KIF20B: variants seen among roughly 807,000 people sequenced by gnomAD.
KIF20B encodes the protein kinesin-like protein KIF20B.
KIF20B carries 188 observed loss-of-function variants against 232.5 expected under a neutral mutation model. That is an observed-to-expected ratio of 0.81 (90% confidence interval 0.72 to 0.91). The LOEUF (loss-of-function observed/expected upper bound fraction) is 0.91, where lower values mean the gene tolerates loss of function less well. KIF20B is among the 40% of genes least tolerant of loss of function. KIF20B has a pLI of 0.00. For synonymous variants in KIF20B, 712 were observed against 683.0 expected, an observed-to-expected ratio of 1.04 and a Z score of -0.66; for missense variants, 2,154 against 2,055.9, an observed-to-expected ratio of 1.05 and a Z score of -0.92.
intron 19 of KIF20B, among the ~76,000 whole-genome samples, chr10:89,734,267 C>G (rs865943522): frequency 1.3e-5 from 2 of 151,988 alleles, no homozygotes; most frequent in Non-Finnish European, 2.9e-5. Flanking sequence ...AAAAATTAGC[C>G]TGGTGTGGTG....
intron 21 of KIF20B, 71 bp from the exon 22 acceptor site, chr10:89,743,737 G>A: frequency 1.9e-6 from 2 of 1,036,642 alleles, no homozygotes; most frequent in Admixed American, 5.7e-5. Context: ...TAGTTGCCAT[G>A]AATCTTAAAT....
chr10:89,720,976 G>T (rs1484810220), intron 13 of KIF20B, among the ~76,000 whole-genome samples: 2 of 152,068 alleles, frequency 1.3e-5, no homozygotes, highest in Non-Finnish European at 2.9e-5. Context: ...CAAAGTGCTG[G>T]GATTATAGGC....
In KIF20B at chr10:89,727,861, G is replaced by C. The variant is rs1305650443; in HGVS notation, c.2236G>C (p.Asp746His). 1.3e-6 allele frequency: 2 copies of C among 1,550,822 alleles called. No individual in the cohort carries two copies. The highest frequency in any genetic ancestry group is 2.3e-5 in the South Asian group (2 of 86,676). The change falls in exon 17 of 33, where the codon GAT (aspartate) becomes CAT (histidine). Residue 746 changes from aspartate (D) to histidine (H), a missense_variant. Transcript: ENST00000371728. ...AATGTTCTTTATTTTTTCAGAATCA[G>C]ATTCATTGATTCAAGAGCTTGAGAC... Reference protein sequence around the residue: ...EELKKRENESDSLIQELETSN... With the variant: ...EELKKRENESHSLIQELETSN...
chr10:89,724,009 GA>G lies in KIF20B; in HGVS notation c.1775del (p.Lys592ArgfsTer4). The G allele has an allele frequency of 2.5e-6, 4 of 1,581,848 alleles. No individual in the cohort carries two copies. Among genetic ancestry groups the G allele is most frequent in the South Asian group, 2.4e-5 (2 of 84,180 alleles). The stretch of plus-strand genomic sequence containing the variant: ...AGACTTGAAAAAAAAACTGATAAAT[GA>G]AAAAAAGGAAAAATTAACCTTGGAA... ...IEDLKKKLIN[E>X]KKEKLTLEFK... On this transcript the variant is annotated frameshift_variant, in exon 14 of 33. Coordinates refer to ENST00000371728, the MANE Select transcript of KIF20B (RefSeq NM_001284259.2). LOFTEE classifies it high-confidence loss of function.
intron 13 of KIF20B, among the ~76,000 whole-genome samples, chr10:89,721,628 C>T (rs1292305800): frequency 6.6e-6 from 1 of 151,992 alleles, no homozygotes; most frequent in Admixed American, 6.5e-5. Context: ...CATCACTGCA[C>T]TACTGCACTC....
At position 89,746,991 on chromosome 10, in the gene KIF20B, A is replaced by C. The variant is rs114758647; in HGVS notation, c.4096+1032A>C. On this transcript the variant is annotated intron_variant, in intron 23 of 32. Coordinates refer to ENST00000371728, the MANE Select transcript of KIF20B (RefSeq NM_001284259.2). Reference sequence around the variant, plus strand: ...AATAAAGCCAGTCAAACTTTTATGTAGGTCACAATGAATGGCATAGATTTC... The same window carrying C: ...AATAAAGCCAGTCAAACTTTTATGTCGGTCACAATGAATGGCATAGATTTC... Among the ~76,000 whole-genome samples the C allele has an allele frequency of 3.0e-3, 459 of 152,386 alleles. 3 individuals are homozygous for C. Among genetic ancestry groups the C allele is most frequent in the African/African-American group, 0.01 (429 of 41,596 alleles).
intron 13 of KIF20B, 67 bp downstream of exon 13, chr10:89,719,773 GCTCT>G: frequency 7.7e-7 from 1 of 1,296,346 alleles, no homozygotes. Flanking sequence ...AAATCTTAAG[GCTCT>G]CTCTCTTCAG....
chr10:89,738,510 C>G lies in KIF20B; in HGVS notation c.3669C>G (p.Leu1223=), dbSNP rs199876356. ...CCAAAGATTTAAATGTAAAGGAACT[C>G]AAGCTGAAAGAAGAAATCACACAGT... ...KNTKDLNVKE[L]KLKEEITQLT... The change falls in exon 20 of 33, where the codon CTC becomes CTG. Residue 1223 remains leucine (L), a synonymous_variant. Coordinates refer to ENST00000371728, the MANE Select transcript of KIF20B (RefSeq NM_001284259.2). The G allele has an allele frequency of 8.1e-6, 13 of 1,603,710 alleles. No individual in the cohort carries two copies. In the African/African-American group the frequency reaches 1.6e-4, roughly 20 times the overall value.
intron 13 of KIF20B, among the ~76,000 whole-genome samples, chr10:89,721,699 GTTTT>G (rs1185937752): frequency 1.4e-5 from 2 of 144,708 alleles, no homozygotes; most frequent in Admixed American, 6.9e-5. Context: ...AAAAAACCCA[GTTTT>G]TTTTTTTCAT....
At chr10:89,750,676 T>G (rs1842003801) in intron 23 of KIF20B, among the ~76,000 whole-genome samples, 1 of 152,132 alleles carries the variant, frequency 6.6e-6, no homozygotes, top group South Asian at 2.1e-4. Flanking sequence ...TCTTCCCTCT[T>G]TATCCGTTTC....
intron 25 of KIF20B, 117 bp downstream of exon 25, chr10:89,752,808 C>G (rs1360199646): frequency 3.1e-6 from 2 of 652,268 alleles, no homozygotes; most frequent in Non-Finnish European, 4.5e-6. Flanking sequence ...TGAAATAATA[C>G]CTGGCAAATG....
intron 19 of KIF20B, 48 bp from the exon 20 acceptor site, chr10:89,737,339 G>T: frequency 1.4e-6 from 2 of 1,407,028 alleles, no homozygotes; most frequent in Non-Finnish European, 1.9e-6. Context: ...TGACTTTTTG[G>T]TTTTATTAAG....
rs1474294616 is a variant in KIF20B at position 89,745,952 on chromosome 10, ATGCAAAGGTCAGGAACAAGTTTGTACTTC to A, written c.4092_4096+24del. 5.0e-6 allele frequency: 8 copies of A among 1,610,704 alleles called. No individual in the cohort carries two copies. The South Asian group carries it at 8.8e-5, about 18-fold the overall frequency. Reference sequence around the variant, plus strand: ...AAGCTATACAACAGTATGAGAGAGCATGCAAAGGTCAGGAACAAGTTTGTACTTCTGGAACCAGAAAAGTTCTCTTATTC... The same window carrying A: ...AAGCTATACAACAGTATGAGAGAGCATGGAACCAGAAAAGTTCTCTTATTC... On this transcript the variant is annotated splice_donor_variant and splice_donor_5th_base_variant and coding_sequence_variant and intron_variant, in exon 23 of 33. Transcript: ENST00000371728. LOFTEE classifies it high-confidence loss of function.
rs990045928 is a variant in KIF20B, at chr10:89,721,703, T to C, written c.1722+1997T>C. Among the ~76,000 whole-genome samples, 6 of 151,970 alleles carry C rather than the reference T, an allele frequency of 3.9e-5. No homozygotes were observed. The South Asian group carries it at 1.2e-3, about 32-fold the overall frequency. ...AGAAACAAACCAAAAAACCCAGTTT[T>C]TTTTTTTCATTTCAAAGTTGAAATT... On this transcript the variant is annotated intron_variant, in intron 13 of 32. Transcript: ENST00000371728.
chr10:89,746,389 C>T (rs940207564), intron 23 of KIF20B, among the ~76,000 whole-genome samples: 3 of 152,122 alleles, frequency 2.0e-5, no homozygotes, highest in African/African-American at 2.4e-5. Flanking sequence ...GGGGATGGAG[C>T]GGGAAGGTGG....
chr10:89,729,545 G>C (rs1843272939), intron 18 of KIF20B, among the ~76,000 whole-genome samples: 1 of 152,214 alleles, frequency 6.6e-6, no homozygotes, highest in Admixed American at 6.5e-5. Context: ...TGGAAGGGGA[G>C]CTTTGAGGAG....
intron 16 of KIF20B, among the ~76,000 whole-genome samples, chr10:89,727,150 A>G (rs746832767): frequency 2.0e-5 from 3 of 152,152 alleles, no homozygotes; most frequent in Non-Finnish European, 4.4e-5. Flanking sequence ...GCAGTATAGA[A>G]GATTCACTGT....
At chr10:89,752,483 TGTCTGTAG>T in intron 24 of KIF20B, 76 bp from the exon 25 acceptor site, 2 of 962,958 alleles carry the variant, frequency 2.1e-6, no homozygotes, top group Non-Finnish European at 2.9e-6. Flanking sequence ...TACTGATTTG[TGTCTGTAG>T]CCCATGTCAA....
Position 89,715,097 on chromosome 10 carries a change from C to T in KIF20B, c.855C>T (p.Asp285=). 1 of 1,608,556 alleles carries T rather than the reference C, an allele frequency of 6.2e-7. No homozygotes were observed. Among genetic ancestry groups the T allele is most frequent in the Non-Finnish European group, 8.5e-7 (1 of 1,177,124 alleles). The part of the protein sequence containing the change: ...FFEIYNEYIY[D]LFVPVSSKFQ... ...AAATTTACAATGAATATATTTATGA[C>T]TTATTTGTTCCTGTATCATCTAAAT... is the stretch of plus-strand genomic sequence containing the variant. The change falls in exon 8 of 33, where the codon GAC becomes GAT. Residue 285 remains aspartate, a synonymous_variant. Transcript: ENST00000371728.
Sources: gnomAD v4.1 joint callset for allele counts (sites outside exome capture counted in the v4.1 genomes callset) on GRCh38, gnomAD v4.1.1 for gene constraint, MANE v1.5 for transcripts, NCBI Gene and HGNC (gene_info 2026-07-23, HGNC 2026-07-21) for gene names.